ANO1: variants seen among roughly 807,000 people sequenced by gnomAD.
The protein encoded by ANO1 is anoctamin 1.
A neutral mutation model predicts 124.0 loss-of-function variants in ANO1; 59 were observed. The observed-to-expected ratio is 0.48, with a 90% CI of 0.39 to 0.59. The LOEUF (loss-of-function observed/expected upper bound fraction) is 0.59, where lower values mean the gene tolerates loss of function less well. ANO1 is among the 20% of genes least tolerant of loss of function. The probability of loss-of-function intolerance (pLI) is 0.00; values close to 1 mark genes in which losing one functional copy is unlikely to be tolerated. For missense variants in ANO1, 1,059 were observed against 1,328.0 expected, an observed-to-expected ratio of 0.80 and a Z score of 3.15; for synonymous variants, 529 against 532.0, an observed-to-expected ratio of 0.99 and a Z score of 0.08.
At chr11:70,132,940 A>AGG (rs35784902) in intron 11 of ANO1, among the ~76,000 whole-genome samples, 29,822 of 152,084 alleles carry the variant, frequency 0.2, 3,051 homozygotes, top group Middle Eastern at 0.3. Context: ...ACAGCGCTGG[A>AGG]GGGAGTTCAG....
chr11:70,095,299 G>GGAAGGAAAGAAAGAAAGGAAGGAAA (rs1555017361), intron 2 of ANO1, among the ~76,000 whole-genome samples: 1 of 50,928 alleles, frequency 2.0e-5, no homozygotes, highest in Non-Finnish European at 4.0e-5. Flanking sequence ...AAGGAAGGAA[G>GGAAGGAAAGAAAGAAAGGAAGGAAA]GAAAGAAAGA....
At position 70,086,345 on chromosome 11, in the gene ANO1, G is replaced by T. The variant is rs1054387258; in HGVS notation, c.109-1407G>T. Among the ~76,000 whole-genome samples the T allele has an allele frequency of 2.0e-4, 30 of 152,324 alleles. 1 individual carries two copies. In the East Asian group the frequency reaches 4.0e-3, roughly 21 times the overall value. On this transcript the variant is annotated intron_variant, in intron 1 of 25. Transcript: ENST00000355303. ...GCAATGCAGGCTTGGCTTTAGCAATGGTCCCATCACACTGCCACTGTGGGA... is the reference window on the plus strand; with the variant it reads ...GCAATGCAGGCTTGGCTTTAGCAATTGTCCCATCACACTGCCACTGTGGGA...
At chr11:70,185,409 T>A (rs2049072860) in intron 24 of ANO1, among the ~76,000 whole-genome samples, 181 bp from the exon 25 acceptor site, 1 of 152,106 alleles carries the variant, frequency 6.6e-6, no homozygotes, top group African/African-American at 2.4e-5. Context: ...CCCCCTCCAC[T>A]GTGGAGAGAG....
chr11:70,126,460 C>A (rs999949336), intron 10 of ANO1, among the ~76,000 whole-genome samples: 2 of 152,368 alleles, frequency 1.3e-5, no homozygotes, highest in African/African-American at 4.8e-5. Flanking sequence ...CATTTTCATT[C>A]TTTAAAAGTT....
intron 6 of ANO1, chr11:70,111,134 G>A (rs1439006132): frequency 1.3e-5 from 6 of 456,692 alleles, no homozygotes; most frequent in Non-Finnish European, 2.2e-5. Context: ...AGGGCAAGGC[G>A]AGGGAAGAAA....
chr11:70,126,978 G>A (rs1307683483), intron 10 of ANO1, among the ~76,000 whole-genome samples: 8 of 123,566 alleles, frequency 6.5e-5, no homozygotes, highest in African/African-American at 1.2e-4. Flanking sequence ...TGGCACTTGC[G>A]GGAGGTGAGA....
At chr11:70,002,233 G>T (rs374539319) in intron 1 of ANO1, among the ~76,000 whole-genome samples, 1 of 151,986 alleles carries the variant, frequency 6.6e-6, no homozygotes, top group South Asian at 2.1e-4. Flanking sequence ...GGTGGATCAT[G>T]AGGTCAGGAT....
intron 1 of ANO1, among the ~76,000 whole-genome samples, chr11:70,003,860 G>A (rs868908844): frequency 1.6e-4 from 24 of 152,228 alleles, no homozygotes; most frequent in African/African-American, 5.8e-4. Flanking sequence ...GCTACCTGTG[G>A]ACACCCCACA....
In ANO1 at chr11:70,157,307, C is replaced by T. The variant is rs1311686019; in HGVS notation, c.1578+286C>T. 2.9e-5 allele frequency among the ~76,000 whole-genome samples: 4 copies of T among 139,738 alleles called. 1 individual carries two copies. In the Middle Eastern group the frequency reaches 0.012, roughly 419 times the overall value. 91.7% of individuals were successfully genotyped at this position (139,738 alleles called of 152,430 possible). ...GCTTGAACCCGGGAGGCAGAGGTTGCGGGGAGCCAAGATCACACCACTGCA... is the reference window on the plus strand; with the variant it reads ...GCTTGAACCCGGGAGGCAGAGGTTGTGGGGAGCCAAGATCACACCACTGCA... On this transcript the variant is annotated intron_variant, in intron 16 of 25. Coordinates refer to ENST00000355303, the MANE Select transcript of ANO1 (RefSeq NM_018043.7).
At chr11:70,125,363 T>G (rs1485488041) in intron 9 of ANO1, among the ~76,000 whole-genome samples, 2 of 130,470 alleles carry the variant, frequency 1.5e-5, no homozygotes, top group Non-Finnish European at 3.3e-5. Flanking sequence ...AATAAATAAA[T>G]AAATGCAATG....
intron 1 of ANO1, among the ~76,000 whole-genome samples, chr11:70,016,647 T>C (rs1045511438): frequency 3.3e-5 from 5 of 152,206 alleles, no homozygotes; most frequent in Non-Finnish European, 7.3e-5. Flanking sequence ...GGGGCATGCA[T>C]TTCAGTGGCA....
intron 1 of ANO1, among the ~76,000 whole-genome samples, chr11:69,988,295 G>A (rs117727305): frequency 0.029 from 4,484 of 152,280 alleles, 87 homozygotes; most frequent in Middle Eastern, 0.072. Flanking sequence ...ATCTTGTGAA[G>A]TACAGAGAGC....
At chr11:70,092,047 C>T (rs528434804) in intron 2 of ANO1, among the ~76,000 whole-genome samples, 12 of 152,304 alleles carry the variant, frequency 7.9e-5, no homozygotes. Context: ...CAGGGCCGCG[C>T]TCCCTCTAAG....
intron 1 of ANO1, among the ~76,000 whole-genome samples, chr11:70,080,944 T>C (rs558176387): frequency 8.5e-5 from 13 of 152,314 alleles, no homozygotes; most frequent in Admixed American, 2.6e-4. Flanking sequence ...CAACAGTTGT[T>C]GCTCAGTCAT....
chr11:70,103,166 T>C lies in ANO1; in HGVS notation c.540+2T>C. The C allele has an allele frequency of 6.2e-7, 1 of 1,606,550 alleles. No homozygotes were observed. Among genetic ancestry groups the C allele is most frequent in the Non-Finnish European group, 8.5e-7 (1 of 1,176,464 alleles). On this transcript the variant is annotated splice_donor_variant, in intron 3 of 25. Coordinates refer to ENST00000355303, the MANE Select transcript of ANO1 (RefSeq NM_018043.7). LOFTEE classifies it high-confidence loss of function. ...AAACTGAAGATGCCGACGAAGAAGG[T>C]TGGTGTTGATGGTCCTGCTCCGAAA...
intron 1 of ANO1, among the ~76,000 whole-genome samples, chr11:70,001,187 C>T (rs1169130747): frequency 6.6e-6 from 1 of 152,224 alleles, no homozygotes; most frequent in Non-Finnish European, 1.5e-5. Flanking sequence ...TCCTCACATA[C>T]AGCTGTAGTC....
chr11:70,178,145 G>T (rs900536516), intron 22 of ANO1, among the ~76,000 whole-genome samples: 4 of 152,192 alleles, frequency 2.6e-5, no homozygotes, highest in African/African-American at 9.7e-5. Flanking sequence ...AATCTACAGG[G>T]ATGTGCAATT....
chr11:70,034,979 G>A (rs1296625396), intron 1 of ANO1, among the ~76,000 whole-genome samples: 1 of 151,698 alleles, frequency 6.6e-6, no homozygotes, highest in African/African-American at 2.4e-5. Flanking sequence ...GATCTAGTGG[G>A]CCACACCTTC....
chr11:70,173,443 G>A (rs1483815641), intron 22 of ANO1, among the ~76,000 whole-genome samples: 1 of 152,112 alleles, frequency 6.6e-6, no homozygotes, highest in East Asian at 1.9e-4. Flanking sequence ...AATTTCAAAG[G>A]CTTTAAAAGC....
Sources: gnomAD v4.1 joint callset for allele counts (sites outside exome capture counted in the v4.1 genomes callset) on GRCh38, gnomAD v4.1.1 for gene constraint, MANE v1.5 for transcripts, NCBI Gene and HGNC (gene_info 2026-07-23, HGNC 2026-07-21) for gene names.